The following GAREM1 variants were observed in gnomAD, a reference collection of about 807,000 sequenced individuals.
GAREM1 encodes GRB2-associated and regulator of MAPK protein 1.
GAREM1 carries 26 observed loss-of-function variants against 71.3 expected under a neutral mutation model. The observed-to-expected ratio is 0.36, with a 90% CI of 0.27 to 0.51. The LOEUF (loss-of-function observed/expected upper bound fraction) is 0.51. GAREM1 is among the 20% of genes least tolerant of loss of function. The pLI, the probability that GAREM1 is intolerant of heterozygous loss-of-function variation, is 0.95. For synonymous variants in GAREM1, 440 were observed against 433.2 expected, an observed-to-expected ratio of 1.02 and a Z score of -0.20; for missense variants, 1,026 against 1,103.1, an observed-to-expected ratio of 0.93 and a Z score of 0.99.
chr18:32,287,180 T>C lies in GAREM1; in HGVS notation c.1417A>G (p.Ser473Gly). The change falls in exon 4 of 6, where the codon AGC becomes GGC. Residue 473 changes from serine (S) to glycine (G), a missense_variant. Physicochemically the swap from Ser to Gly is moderately conservative, Grantham distance 56 (BLOSUM62 0). Around this residue, in one of 3 missense-constraint regions of GAREM1, gnomAD observed 636 missense variants for 631.2 expected, o/e 1.01. Coordinates refer to ENST00000269209, the MANE Select transcript of GAREM1 (RefSeq NM_001242409.2). This position sits in a 1 kb window ranked among gnomAD's most constrained non-coding sequence, Gnocchi z 5.9. The stretch of plus-strand genomic sequence containing the variant: ...AACTGATCACATCTGTTCTTCTCGC[T>C]CAGAGAGCGAGTGAGAGGCTGATGG... ...PSHQPLTRSL[S>G]EKNRCDQFRG... 6.2e-7 allele frequency: 1 copy of C among 1,614,244 alleles called. No homozygotes were observed.
intron 1 of GAREM1, among the ~76,000 whole-genome samples, chr18:32,458,661 C>T (rs923181816): frequency 3.3e-5 from 5 of 151,344 alleles, no homozygotes; most frequent in African/African-American, 1.2e-4. Flanking sequence ...AAAAACTCTA[C>T]CAAAAAATTG....
intron 2 of GAREM1, among the ~76,000 whole-genome samples, chr18:32,359,254 GTGTGT>G (rs1166200307): frequency 1.8e-4 from 27 of 152,120 alleles, no homozygotes; most frequent in African/African-American, 6.3e-4. Context: ...CTCCCTAGAG[GTGTGT>G]ATTTCTAACT....
chr18:32,363,692 AG>A (rs2047888847), intron 2 of GAREM1, among the ~76,000 whole-genome samples: 1 of 152,012 alleles, frequency 6.6e-6, no homozygotes. Flanking sequence ...TCCCTGTTAC[AG>A]GAACACTGGA....
At chr18:32,385,083 T>C (rs1319612486) in intron 2 of GAREM1, among the ~76,000 whole-genome samples, 2 of 152,104 alleles carry the variant, frequency 1.3e-5, no homozygotes, top group Non-Finnish European at 2.9e-5. Flanking sequence ...TCTGAATCAT[T>C]TCCCTTAGTC....
In GAREM1 at chr18:32,280,568, T is replaced by C. The variant is rs1056427601; in HGVS notation, c.1566+6463A>G. ...CCCCGACTCTGCCACTAAAAGATTA[T>C]GCTATTGGGATCCACAGGGTGCCAA... On this transcript the variant is annotated intron_variant, in intron 4 of 5. Coordinates refer to ENST00000269209, the MANE Select transcript of GAREM1 (RefSeq NM_001242409.2). 3.3e-5 allele frequency among the ~76,000 whole-genome samples: 5 copies of C among 152,230 alleles called. No individual in the cohort carries two copies. In the South Asian group the frequency reaches 6.2e-4, roughly 19 times the overall value.
chr18:32,378,784 T>C (rs999420169), intron 2 of GAREM1, among the ~76,000 whole-genome samples: 3 of 152,240 alleles, frequency 2.0e-5, no homozygotes, highest in African/African-American at 7.2e-5. Context: ...AGCCTGCCTC[T>C]GAGTCTCCTC....
intron 1 of GAREM1, among the ~76,000 whole-genome samples, chr18:32,405,888 C>T (rs769835015): frequency 6.6e-6 from 1 of 152,204 alleles, no homozygotes; most frequent in Non-Finnish European, 1.5e-5. Context: ...GTAAGAAATA[C>T]CATTCTACTG....
At chr18:32,302,221 T>A (rs572064661) in intron 3 of GAREM1, among the ~76,000 whole-genome samples, 114 of 152,322 alleles carry the variant, frequency 7.5e-4, no homozygotes, top group African/African-American at 2.5e-3. Flanking sequence ...TGTGGCTTCA[T>A]ATGAACCAAT....
intron 3 of GAREM1, among the ~76,000 whole-genome samples, chr18:32,309,096 G>C (rs530675634): frequency 6.7e-6 from 1 of 150,242 alleles, no homozygotes; most frequent in Admixed American, 6.6e-5. Context: ...TGATTTAGGT[G>C]GACTTTGGGC....
rs1020209656 is a variant in GAREM1 at position 32,400,896 on chromosome 18, T to G, written c.122-7861A>C. On this transcript the variant is annotated intron_variant, in intron 1 of 5. Coordinates refer to ENST00000269209, the MANE Select transcript of GAREM1 (RefSeq NM_001242409.2). ...ACACATATGTTTATTGTGGCACTAT[T>G]CACAATAGCAAAGACTTGGAACCAA... Among the ~76,000 whole-genome samples the G allele has an allele frequency of 1.7e-4, 26 of 152,120 alleles. 1 individual carries two copies. The highest frequency in any genetic ancestry group is 5.9e-5 in the Non-Finnish European group (4 of 68,042).
chr18:32,343,501 G>A (rs1038639893), intron 2 of GAREM1, among the ~76,000 whole-genome samples: 1 of 151,890 alleles, frequency 6.6e-6, no homozygotes, highest in Non-Finnish European at 1.5e-5. Context: ...GAGTTTCACC[G>A]TGTTGGCCAG....
At position 32,287,556 on chromosome 18, in the gene GAREM1, T is replaced by A. The variant is rs765603291; in HGVS notation, c.1041A>T (p.Lys347Asn). ...TCTTGCATTCTTCATTCCAGTCGGT[T>A]TTCACATCACGGACAGCCCGTGAAT... ...DEYSRAVRDV[K>N]TDWNEECKSP... Residue 347 changes from lysine (K) to asparagine (N), a missense_variant, in exon 4 of 6, where the codon AAA (lysine) becomes AAT (asparagine). Lys to Asn is a moderately conservative substitution (Grantham distance 94). Coordinates refer to ENST00000269209, the MANE Select transcript of GAREM1 (RefSeq NM_001242409.2). The surrounding 1 kb of genome is among the most constrained non-coding windows in gnomAD (Gnocchi z 5.9). The A allele has an allele frequency of 3.1e-6, 5 of 1,614,082 alleles. No homozygotes were observed. The Admixed American group carries it at 6.7e-5, about 22-fold the overall frequency.
At chr18:32,313,514 GATC>G (rs1381374768) in intron 2 of GAREM1, among the ~76,000 whole-genome samples, 1 of 152,116 alleles carries the variant, frequency 6.6e-6, no homozygotes, top group Non-Finnish European at 1.5e-5. Context: ...GTATTAAAAG[GATC>G]ATATTTCCAA....
chr18:32,363,995 C>CATAT (rs766095412), intron 2 of GAREM1, among the ~76,000 whole-genome samples: 595 of 21,182 alleles, frequency 0.028, 36 homozygotes, highest in African/African-American at 0.046. Flanking sequence ...TACATATATA[C>CATAT]ATATATATAT....
At chr18:32,368,584 T>C (rs1208607469) in intron 2 of GAREM1, among the ~76,000 whole-genome samples, 2 of 152,180 alleles carry the variant, frequency 1.3e-5, no homozygotes, top group African/African-American at 2.4e-5. Context: ...TTATAACCTC[T>C]AGATGGCAGG....
chr18:32,272,336 G>A (rs1053963326), intron 4 of GAREM1, among the ~76,000 whole-genome samples: 4 of 152,176 alleles, frequency 2.6e-5, no homozygotes, highest in African/African-American at 4.8e-5. Flanking sequence ...ATTTCTTCCC[G>A]GGGCTGGGGA....
At chr18:32,346,914 G>C (rs900326010) in intron 2 of GAREM1, among the ~76,000 whole-genome samples, 2 of 152,216 alleles carry the variant, frequency 1.3e-5, no homozygotes, top group African/African-American at 2.4e-5. Flanking sequence ...CACCAGGGCT[G>C]AAGAGGAGAG....
chr18:32,457,485 T>G (rs1164081481), intron 1 of GAREM1, among the ~76,000 whole-genome samples: 1 of 152,044 alleles, frequency 6.6e-6, no homozygotes, highest in Non-Finnish European at 1.5e-5. Flanking sequence ...ACACACATTA[T>G]TCAACTGTAC....
intron 1 of GAREM1, among the ~76,000 whole-genome samples, chr18:32,432,598 G>A (rs1246814766): frequency 6.6e-6 from 1 of 152,022 alleles, no homozygotes; most frequent in Non-Finnish European, 1.5e-5. Context: ...ATCAATATTA[G>A]AAAAGAGGGA....
Sources: allele counts gnomAD v4.1 joint callset (sites outside exome capture counted in the v4.1 genomes callset), GRCh38; gene constraint gnomAD v4.1.1; regional missense constraint gnomAD v4.1.1; non-coding constraint Gnocchi (gnomAD v3.1); transcripts MANE v1.5; gene names NCBI Gene and HGNC (gene_info 2026-07-23, HGNC 2026-07-21).